Variants in CCDC88C observed in about 807,000 individuals in gnomAD.
CCDC88C encodes the protein protein Daple.
CCDC88C carries 131 observed loss-of-function variants against 198.8 expected under a neutral mutation model. That is an observed-to-expected ratio of 0.66 (90% CI 0.57 to 0.76). CCDC88C has a LOEUF of 0.76. Among genes scored for constraint, CCDC88C ranks in the 30% least tolerant of loss-of-function variants. The pLI is 0.00. For missense variants in CCDC88C, 2,553 were observed against 2,631.6 expected (o/e 0.97, Z 0.65); for synonymous variants, 1,166 against 1,114.7 (o/e 1.05, Z -0.92).
In CCDC88C at chr14:91,325,800, C is replaced by A. The variant is rs943758238; in HGVS notation, c.1197+110G>T. ...GGTTGCCAGGGTTAGAACTCCTGCG[C>A]TCAAGGGATCCTCCCACCTTAGCCT... On this transcript the variant is annotated intron_variant, in intron 11 of 29. Transcript: ENST00000389857. This position sits in a 1 kb window ranked among gnomAD's most constrained non-coding sequence, Gnocchi z 4.1. The A allele has an allele frequency of 4.4e-6, 5 of 1,128,940 alleles. No homozygotes were observed. The highest frequency in any genetic ancestry group is 6.2e-6 in the Non-Finnish European group (5 of 803,530). The allele number at this position is 1,128,940 out of a possible 1,614,324, so 69.9% of individuals were successfully genotyped here. A position where few individuals can be genotyped will look rare whatever the true frequency, so the allele number is the denominator to read the frequency against.
At chr14:91,292,951 A>G (rs1031459681) in intron 23 of CCDC88C, among the ~76,000 whole-genome samples, 6 of 150,656 alleles carry the variant, frequency 4.0e-5, no homozygotes, top group African/African-American at 1.5e-4. Context: ...CTGAGCGCCC[A>G]CCTCCTTTTC....
intron 4 of CCDC88C, among the ~76,000 whole-genome samples, chr14:91,344,848 G>T (rs1234917488): frequency 1.3e-5 from 2 of 151,172 alleles, no homozygotes; most frequent in Non-Finnish European, 2.9e-5. Flanking sequence ...CCAGGTTGGG[G>T]TATAGTGGTG....
At chr14:91,331,903 C>T (rs1412121283) in intron 10 of CCDC88C, among the ~76,000 whole-genome samples, 1 of 152,156 alleles carries the variant, frequency 6.6e-6, no homozygotes, top group Non-Finnish European at 1.5e-5. Context: ...ACACTGTGCC[C>T]AGGTAGGTCT....
At chr14:91,277,584 A>T (rs1596013436) in intron 29 of CCDC88C, among the ~76,000 whole-genome samples, 1 of 152,108 alleles carries the variant, frequency 6.6e-6, no homozygotes, top group African/African-American at 2.4e-5. Flanking sequence ...TCCCTGCTGG[A>T]GAAAATGCAG....
In CCDC88C at chr14:91,330,384, C is replaced by CG. The variant is rs1330167269; in HGVS notation, c.1051-4329dup. Among the ~76,000 whole-genome samples, 5 of 152,202 alleles carry CG rather than the reference C, an allele frequency of 3.3e-5. No homozygotes were observed. In the East Asian group the frequency reaches 9.7e-4, roughly 29 times the overall value. ...AAGTGGGGAGTGGCAGACGAGGGTA[C>CG]GGTGTGGGTTTTACCCAGGAGCCAT... On this transcript the variant is annotated intron_variant, in intron 10 of 29. Coordinates refer to ENST00000389857, the MANE Select transcript of CCDC88C (RefSeq NM_001080414.4).
chr14:91,328,197 G>A (rs1178971709), intron 10 of CCDC88C, among the ~76,000 whole-genome samples: 2 of 152,228 alleles, frequency 1.3e-5, no homozygotes, highest in Admixed American at 1.3e-4. Context: ...GCCAGGAGTG[G>A]GAGATGGCAT....
chr14:91,376,774 C>T, intron 3 of CCDC88C, among the ~76,000 whole-genome samples: 1 of 152,186 alleles, frequency 6.6e-6, no homozygotes, highest in East Asian at 1.9e-4. Flanking sequence ...GTTCAGCCCC[C>T]AGCTGGCTGC....
intron 3 of CCDC88C, among the ~76,000 whole-genome samples, chr14:91,389,061 A>G (rs748395707): frequency 5.9e-5 from 9 of 152,172 alleles, no homozygotes; most frequent in Non-Finnish European, 8.8e-5. Context: ...CCAGCCCAAC[A>G]TGAGGTTCAA....
chr14:91,351,662 A>G (rs1893806118), intron 4 of CCDC88C, among the ~76,000 whole-genome samples: 1 of 151,908 alleles, frequency 6.6e-6, no homozygotes, highest in East Asian at 1.9e-4. Context: ...CCAGGCACAC[A>G]TATTTATCAA....
intron 3 of CCDC88C, among the ~76,000 whole-genome samples, chr14:91,380,043 G>C (rs1362440330): frequency 6.6e-6 from 1 of 152,264 alleles, no homozygotes; most frequent in East Asian, 1.9e-4. Flanking sequence ...CCTTACAGGG[G>C]TGTCTCCCTT....
At chr14:91,321,333 T>A in intron 12 of CCDC88C, 29 bp from the exon 13 acceptor site, 1 of 1,547,040 alleles carries the variant, frequency 6.5e-7, no homozygotes, top group South Asian at 1.2e-5. Context: ...CAGAGCCCAG[T>A]GGTCTGTGGG....
intron 3 of CCDC88C, among the ~76,000 whole-genome samples, chr14:91,375,986 G>A (rs1382638369): frequency 2.0e-5 from 3 of 152,184 alleles, no homozygotes; most frequent in Non-Finnish European, 2.9e-5. Flanking sequence ...GGCTGGAAAC[G>A]TAGACCTTCC....
intron 3 of CCDC88C, among the ~76,000 whole-genome samples, chr14:91,373,522 G>A (rs1289809090): frequency 6.6e-6 from 1 of 152,186 alleles, no homozygotes; most frequent in Admixed American, 6.5e-5. Flanking sequence ...GCTTTCTGGA[G>A]GAAACAGACA....
At chr14:91,342,836 G>A (rs981892927) in intron 5 of CCDC88C, among the ~76,000 whole-genome samples, 2 of 152,230 alleles carry the variant, frequency 1.3e-5, no homozygotes, top group Admixed American at 1.3e-4. Flanking sequence ...TGTGTAAAAA[G>A]CCAGATGGTA....
chr14:91,274,621 C>T (rs1360603226), intron 29 of CCDC88C, among the ~76,000 whole-genome samples: 1 of 152,212 alleles, frequency 6.6e-6, no homozygotes, highest in East Asian at 1.9e-4. Flanking sequence ...TGCCACTGGA[C>T]AGAGATACAT....
chr14:91,285,372 G>C lies in CCDC88C; in HGVS notation c.4442-1855C>G, dbSNP rs774868355. 23 of 451,294 alleles carry C rather than the reference G, an allele frequency of 5.1e-5. No individual in the cohort carries two copies. In the East Asian group the frequency reaches 5.6e-4, roughly 11 times the overall value. 28.0% of individuals were successfully genotyped at this position (451,294 alleles called of 1,614,324 possible). The stretch of plus-strand genomic sequence containing the variant: ...AGCTCGCAGGTGCAAGAGACGGGAG[G>C]GGGGCACGGCCACTCGACTTACTTA... On this transcript the variant is annotated intron_variant, in intron 25 of 29. Coordinates refer to ENST00000389857, the MANE Select transcript of CCDC88C (RefSeq NM_001080414.4).
At chr14:91,329,213 C>T (rs1289181511) in intron 10 of CCDC88C, among the ~76,000 whole-genome samples, 1 of 152,224 alleles carries the variant, frequency 6.6e-6, no homozygotes, top group Non-Finnish European at 1.5e-5. Context: ...GGACTTAAAC[C>T]TTAAACCAAA....
rs1218704680 is a variant in CCDC88C at position 91,271,849 on chromosome 14, G to C, written c.*776C>G. On this transcript the variant is annotated 3_prime_UTR_variant, in exon 30 of 30. Coordinates refer to ENST00000389857, the MANE Select transcript of CCDC88C (RefSeq NM_001080414.4). ...ACACTGGCCTGGAGGGGGCTGGATG[G>C]GGGCCTCTTTCCTGCCCCCCAATCC... 6.5e-6 allele frequency: 1 copy of C among 152,736 alleles called. No homozygotes were observed. The allele number at this position is 152,736 out of a possible 1,614,324, so 9.5% of individuals were successfully genotyped here.
At chr14:91,406,126 AC>A (rs1470789322) in intron 3 of CCDC88C, among the ~76,000 whole-genome samples, 4 of 152,160 alleles carry the variant, frequency 2.6e-5, no homozygotes, top group African/African-American at 9.7e-5. Context: ...TCTGCACAGT[AC>A]CCCAAGAACA....
Sources: allele counts gnomAD v4.1 joint callset (sites outside exome capture counted in the v4.1 genomes callset), GRCh38; gene constraint gnomAD v4.1.1; non-coding constraint Gnocchi (gnomAD v3.1); transcripts MANE v1.5; gene names NCBI Gene and HGNC (gene_info 2026-07-23, HGNC 2026-07-21).